The following ERBB4 variants were observed in gnomAD, a reference collection of about 807,000 sequenced individuals.
ERBB4 encodes receptor tyrosine-protein kinase erbB-4.
A neutral mutation model predicts 158.0 loss-of-function variants in ERBB4; 42 were observed. The ratio of observed to expected loss-of-function variants is 0.27; its 90% CI spans 0.21 to 0.34. ERBB4 has a LOEUF of 0.34. Ranked by LOEUF, ERBB4 falls within the 10% of genes least tolerant of loss-of-function variation. The pLI is 1.00. For synonymous variants in ERBB4, 583 were observed against 558.7 expected (o/e 1.04, Z -0.61); for missense variants, 1,333 against 1,624.1 (o/e 0.82, Z 3.08).
At chr2:212,030,194 A>C (rs992017535) in intron 2 of ERBB4, among the ~76,000 whole-genome samples, 1 of 152,094 alleles carries the variant, frequency 6.6e-6, no homozygotes, top group African/African-American at 2.4e-5. Flanking sequence ...TATCCAATCA[A>C]TCACTTAATC....
chr2:212,110,044 A>G (rs2079356194), intron 2 of ERBB4, among the ~76,000 whole-genome samples: 1 of 152,208 alleles, frequency 6.6e-6, no homozygotes, highest in Non-Finnish European at 1.5e-5. Context: ...CCTCATCAGT[A>G]AGATGAACTT....
chr2:211,619,895 T>G (rs2069533527), intron 18 of ERBB4, among the ~76,000 whole-genome samples: 1 of 152,184 alleles, frequency 6.6e-6, no homozygotes. Flanking sequence ...TGTGTATATG[T>G]GTGTGCGTGA....
At chr2:211,427,328 G>A (rs2063651348) in intron 22 of ERBB4, among the ~76,000 whole-genome samples, 1 of 151,778 alleles carries the variant, frequency 6.6e-6, no homozygotes, top group Admixed American at 6.6e-5. Context: ...ATTTAAGTGG[G>A]CATTATGCTT....
Position 212,538,453 on chromosome 2 carries a change from C to T in ERBB4, c.78G>A (p.Gln26=). 1 of 1,613,910 alleles carries T rather than the reference C, an allele frequency of 6.2e-7. No homozygotes were observed. The highest frequency in any genetic ancestry group is 8.5e-7 in the Non-Finnish European group (1 of 1,179,834). Residue 26 remains glutamine (Q), a synonymous_variant, in exon 1 of 28, where the codon CAG becomes CAA. Transcript: ENST00000342788. ...GGAGTGCCAGAAGGAACCCACCTGA[C>T]TGAGAATCGCTGGGCTGGACGGTCC... ...AAGTVQPSDS[Q]SVCAGTENKL...
intron 1 of ERBB4, among the ~76,000 whole-genome samples, chr2:212,145,875 G>A (rs538492143): frequency 2.6e-5 from 4 of 151,852 alleles, no homozygotes; most frequent in South Asian, 2.1e-4. Context: ...CCTTCAAAGC[G>A]GCTCCCCTTC....
intron 3 of ERBB4, among the ~76,000 whole-genome samples, chr2:211,876,764 T>C (rs1275474351): frequency 3.3e-5 from 5 of 152,182 alleles, no homozygotes; most frequent in African/African-American, 1.2e-4. Context: ...TATATACATA[T>C]ATAAAAATTA....
intron 1 of ERBB4, among the ~76,000 whole-genome samples, chr2:212,154,032 C>T (rs947543958): frequency 4.6e-5 from 7 of 152,054 alleles, no homozygotes; most frequent in Non-Finnish European, 7.4e-5. Context: ...AACAATACCT[C>T]GTATATGCCC....
intron 23 of ERBB4, 118 bp downstream of exon 23, chr2:211,424,037 A>ATAAT (rs1412605238): frequency 2.0e-6 from 2 of 1,009,272 alleles, no homozygotes; most frequent in Non-Finnish European, 3.1e-6. Flanking sequence ...TGTTCCTTTC[A>ATAAT]TAATTGTTTT....
chr2:212,327,362 C>G (rs2087893994), intron 1 of ERBB4, among the ~76,000 whole-genome samples: 1 of 151,984 alleles, frequency 6.6e-6, no homozygotes, highest in South Asian at 2.1e-4. Context: ...TGTGTATGTG[C>G]TGGAAATAGA....
chr2:212,048,420 G>C (rs1308378714), intron 2 of ERBB4, among the ~76,000 whole-genome samples: 1 of 152,152 alleles, frequency 6.6e-6, no homozygotes, highest in Non-Finnish European at 1.5e-5. Flanking sequence ...GCAGGGTGCT[G>C]GTAGTAGACA....
intron 2 of ERBB4, among the ~76,000 whole-genome samples, chr2:212,012,415 ATTTTTTT>A (rs34430050): frequency 6.3e-5 from 8 of 126,572 alleles, no homozygotes; most frequent in African/African-American, 2.4e-4. Flanking sequence ...TAAGAACTGC[ATTTTTTT>A]TTTTTTTTTT....
At chr2:212,192,064 G>A (rs1169583778) in intron 1 of ERBB4, among the ~76,000 whole-genome samples, 1 of 97,724 alleles carries the variant, frequency 1.0e-5, no homozygotes, top group Non-Finnish European at 1.9e-5. Context: ...TGTTATATAT[G>A]TTATATGTTA....
intron 12 of ERBB4, among the ~76,000 whole-genome samples, chr2:211,686,135 A>C (rs939645852): frequency 6.6e-6 from 1 of 152,046 alleles, no homozygotes; most frequent in African/African-American, 2.4e-5. Context: ...AGAACTTTCA[A>C]TACTATGTTA....
rs60584092 is a variant in ERBB4 at position 211,751,838 on chromosome 2, C to A, written c.557-1134G>T. On this transcript the variant is annotated intron_variant, in intron 4 of 27. Coordinates refer to ENST00000342788, the MANE Select transcript of ERBB4 (RefSeq NM_005235.3). ...GGTTAAGATGCAGATTCAAAAGACA[C>A]TTTCTCTGGCTGGATCTCAGACCAT... Among the ~76,000 whole-genome samples, 191 of 152,284 alleles carry A rather than the reference C, an allele frequency of 1.3e-3. 2 individuals are homozygous for A. The highest frequency in any genetic ancestry group is 4.5e-3 in the African/African-American group (186 of 41,562).
chr2:211,776,345 G>A (rs1228614643), intron 4 of ERBB4, among the ~76,000 whole-genome samples: 1 of 152,150 alleles, frequency 6.6e-6, no homozygotes, highest in Non-Finnish European at 1.5e-5. Context: ...TATTAGTAAA[G>A]CTCAGTCAAG....
intron 1 of ERBB4, among the ~76,000 whole-genome samples, chr2:212,418,544 T>C (rs1008753895): frequency 2.0e-5 from 3 of 150,692 alleles, no homozygotes; most frequent in African/African-American, 4.9e-5. Flanking sequence ...AACATATATA[T>C]ATATATGTAT....
chr2:212,283,376 A>G (rs776987611), intron 1 of ERBB4, among the ~76,000 whole-genome samples: 2 of 152,006 alleles, frequency 1.3e-5, no homozygotes, highest in Non-Finnish European at 2.9e-5. Context: ...ACTTTCACAT[A>G]TATTAGTGCA....
At chr2:212,369,365 A>G (rs2090005881) in intron 1 of ERBB4, among the ~76,000 whole-genome samples, 1 of 152,126 alleles carries the variant, frequency 6.6e-6, no homozygotes, top group Non-Finnish European at 1.5e-5. Flanking sequence ...CCTGGTACGC[A>G]TTTGACTTTC....
intron 2 of ERBB4, among the ~76,000 whole-genome samples, chr2:211,984,345 A>G (rs935838126): frequency 5.3e-5 from 8 of 152,206 alleles, no homozygotes; most frequent in Admixed American, 3.9e-4. Flanking sequence ...CTCAGACTAT[A>G]GCAGTGAAAT....
Sources: gnomAD v4.1 joint callset for allele counts (sites outside exome capture counted in the v4.1 genomes callset) on GRCh38, gnomAD v4.1.1 for gene constraint, MANE v1.5 for transcripts, NCBI Gene and HGNC (gene_info 2026-07-23, HGNC 2026-07-21) for gene names.